Variants in ASTN1 observed in about 807,000 individuals in gnomAD.
The protein encoded by ASTN1 is astrotactin 1, also known as astrotactin-1.
ASTN1 carries 41 observed loss-of-function variants against 140.7 expected under a neutral mutation model. The ratio of observed to expected loss-of-function variants is 0.29; its 90% CI spans 0.23 to 0.38. ASTN1 has a LOEUF of 0.38. ASTN1 is among the 10% of genes least tolerant of loss of function. The pLI is 1.00. For missense variants in ASTN1, 1,479 were observed against 1,678.8 expected, an observed-to-expected ratio of 0.88 and a Z score of 2.08; for synonymous variants, 640 against 652.2, an observed-to-expected ratio of 0.98 and a Z score of 0.29.
chr1:177,091,726 A>C (rs1247427855), intron 1 of ASTN1, among the ~76,000 whole-genome samples: 4 of 152,096 alleles, frequency 2.6e-5, no homozygotes, highest in African/African-American at 9.7e-5. Context: ...TCCTCTAGCA[A>C]CCACTAATCA....
rs985090541 is a variant in ASTN1 at position 176,887,960 on chromosome 1, A to G, written c.3074+111T>C. On this transcript the variant is annotated intron_variant, in intron 18 of 22. Transcript: ENST00000361833. ...GATTGAAAGCTCTCTAAAGGCAGGT[A>G]TTGTGTCATATTTTTCTTTGTTTCC... The G allele has an allele frequency of 6.9e-6, 10 of 1,440,548 alleles. No homozygotes were observed. The Admixed American group carries it at 1.7e-4, about 25-fold the overall frequency. 89.2% of individuals were successfully genotyped at this position (1,440,548 alleles called of 1,614,324 possible).
chr1:176,951,718 T>G (rs1258050896), intron 11 of ASTN1, among the ~76,000 whole-genome samples: 2 of 152,196 alleles, frequency 1.3e-5, no homozygotes, highest in African/African-American at 4.8e-5. Flanking sequence ...TGACCACTGC[T>G]ATCCCAAATT....
intron 7 of ASTN1, 52 bp from the exon 8 acceptor site, chr1:177,014,927 C>T (rs764756120): frequency 6.7e-7 from 1 of 1,500,550 alleles, no homozygotes; most frequent in Non-Finnish European, 9.3e-7. Context: ...AATTGATTAA[C>T]ATGTCTGTGT....
At chr1:176,880,948 C>A (rs1056528925) in intron 20 of ASTN1, among the ~76,000 whole-genome samples, 11 of 152,228 alleles carry the variant, frequency 7.2e-5, no homozygotes, top group African/African-American at 2.4e-4. Flanking sequence ...AGGCCGCCCT[C>A]CTCCCAGTTT....
chr1:176,860,267 A>G (rs1344599661), downstream of ASTN1, among the ~76,000 whole-genome samples: 2 of 152,200 alleles, frequency 1.3e-5, no homozygotes, highest in African/African-American at 4.8e-5. Flanking sequence ...CACACTTTAT[A>G]TGGGAGGGGT....
At chr1:177,023,309 CG>C in intron 7 of ASTN1, 94 bp downstream of exon 7, 1 of 1,438,300 alleles carries the variant, frequency 7.0e-7, no homozygotes, top group Non-Finnish European at 9.4e-7. Context: ...GGCAGTGGGA[CG>C]GGGAGTTGGG....
intron 1 of ASTN1, among the ~76,000 whole-genome samples, chr1:177,068,443 AT>A (rs747210217): frequency 2.0e-5 from 3 of 152,180 alleles, no homozygotes; most frequent in Admixed American, 6.5e-5. Flanking sequence ...TTGAATTTCT[AT>A]TTCCCTGCTT....
chr1:177,164,387 G>A lies in ASTN1; in HGVS notation c.283+7C>T, dbSNP rs1647584139. On this transcript the variant is annotated splice_region_variant and intron_variant, in intron 1 of 22. Coordinates refer to ENST00000361833, the MANE Select transcript of ASTN1 (RefSeq NM_004319.3). ...CTCCGGCCGCCTCGACCTCCCCCGGGACTCACCCAGCACGAAGTAGGGCAG... is the reference window on the plus strand; with the variant it reads ...CTCCGGCCGCCTCGACCTCCCCCGGAACTCACCCAGCACGAAGTAGGGCAG... 6.3e-7 allele frequency: 1 copy of A among 1,581,100 alleles called. No individual in the cohort carries two copies. Among genetic ancestry groups the A allele is most frequent in the Non-Finnish European group, 8.6e-7 (1 of 1,161,678 alleles).
chr1:176,922,556 C>CA (rs71129589), intron 16 of ASTN1, among the ~76,000 whole-genome samples: 3,128 of 77,264 alleles, frequency 0.04, 88 homozygotes, highest in East Asian at 0.16. Flanking sequence ...GCCCCCACTG[C>CA]AAAAAAAAAA....
rs142110925 is a variant in ASTN1, at chr1:176,943,922, C to T, written c.2346G>A (p.Ser782=). ...PLENQCLEEI[S]EPTPDPDFLT... The stretch of plus-strand genomic sequence containing the variant: ...GGAAGTCAGGGTCAGGGGTGGGCTC[C>T]GAGATCTCCTCTAGGCATTGATTCT... Residue 782 remains serine (S), a synonymous_variant, in exon 14 of 23, where the codon TCG becomes TCA. Transcript: ENST00000361833. 223 of 1,612,042 alleles carry T rather than the reference C, an allele frequency of 1.4e-4. No individual in the cohort carries two copies. The African/African-American group carries it at 2.7e-3, about 19-fold the overall frequency.
chr1:177,088,784 G>C (rs1679597391), intron 1 of ASTN1, among the ~76,000 whole-genome samples: 1 of 152,156 alleles, frequency 6.6e-6, no homozygotes, highest in African/African-American at 2.4e-5. Context: ...TATCTTTACA[G>C]TGCTTTTTCC....
intron 5 of ASTN1, among the ~76,000 whole-genome samples, chr1:177,028,828 A>G (rs1249109058): frequency 1.3e-5 from 2 of 152,240 alleles, no homozygotes; most frequent in African/African-American, 4.8e-5. Context: ...TTGTTAACTC[A>G]TTTGACATGT....
chr1:177,071,184 G>A (rs757685551), intron 1 of ASTN1, among the ~76,000 whole-genome samples: 1 of 152,070 alleles, frequency 6.6e-6, no homozygotes, highest in Admixed American at 6.6e-5. Flanking sequence ...AAAACTCCAC[G>A]TACACTATTT....
intron 2 of ASTN1, among the ~76,000 whole-genome samples, chr1:177,052,777 T>C (rs1237604429): frequency 6.6e-6 from 1 of 152,198 alleles, no homozygotes; most frequent in Admixed American, 6.5e-5. Flanking sequence ...AATAAAGGGT[T>C]TCTACTGTAC....
intron 8 of ASTN1, among the ~76,000 whole-genome samples, chr1:177,001,792 G>A (rs1212900488): frequency 2.0e-5 from 3 of 152,202 alleles, no homozygotes; most frequent in African/African-American, 7.2e-5. Context: ...GGCATGCAAA[G>A]TACAATGGCT....
chr1:176,982,323 C>T (rs1175636574), intron 8 of ASTN1, among the ~76,000 whole-genome samples: 2 of 152,152 alleles, frequency 1.3e-5, no homozygotes, highest in African/African-American at 2.4e-5. Flanking sequence ...ACCGAGGGGC[C>T]GGTAACTCAG....
intron 1 of ASTN1, among the ~76,000 whole-genome samples, chr1:177,084,081 C>A (rs1015180263): frequency 6.6e-6 from 1 of 152,206 alleles, no homozygotes; most frequent in Non-Finnish European, 1.5e-5. Context: ...TCTGCAAATA[C>A]ATGACCACCT....
At chr1:176,924,549 AC>A (rs1481599113) in intron 16 of ASTN1, among the ~76,000 whole-genome samples, 1 of 152,076 alleles carries the variant, frequency 6.6e-6, no homozygotes, top group Non-Finnish European at 1.5e-5. Flanking sequence ...CTCTCTTCTC[AC>A]TAGGATATGA....
chr1:176,935,604 C>A (rs527731538), intron 15 of ASTN1, among the ~76,000 whole-genome samples: 1 of 152,182 alleles, frequency 6.6e-6, no homozygotes. Context: ...AACTTCATAA[C>A]TTTTCTATTT....
Sources: gnomAD v4.1 joint callset for allele counts (sites outside exome capture counted in the v4.1 genomes callset) on GRCh38, gnomAD v4.1.1 for gene constraint, MANE v1.5 for transcripts, NCBI Gene and HGNC (gene_info 2026-07-23, HGNC 2026-07-21) for gene names.